Variants in ZGRF1 observed in about 807,000 individuals in gnomAD.
ZGRF1 encodes zinc finger GRF-type containing 1, also known as 5'-3' DNA helicase ZGRF1.
ZGRF1 carries 196 observed loss-of-function variants against 203.5 expected under a neutral mutation model. The observed-to-expected ratio is 0.96, with a 90% CI of 0.86 to 1.08. The LOEUF (loss-of-function observed/expected upper bound fraction) is 1.08. ZGRF1 is among the 50% of genes least tolerant of loss of function. The pLI, the probability that ZGRF1 is intolerant of heterozygous loss-of-function variation, is 0.00. For missense variants in ZGRF1, 2,326 were observed against 2,416.3 expected, an observed-to-expected ratio of 0.96 and a Z score of 0.78; for synonymous variants, 809 against 841.3, an observed-to-expected ratio of 0.96 and a Z score of 0.66.
chr4:112,586,610 T>A, intron 12 of ZGRF1, 27 bp from the exon 13 acceptor site: 2 of 1,550,410 alleles, frequency 1.3e-6, no homozygotes, highest in Non-Finnish European at 8.7e-7. Flanking sequence ...CAAGTTATCA[T>A]AGCAACTCCA....
chr4:112,630,790 T>C (rs1367496178), intron 3 of ZGRF1, among the ~76,000 whole-genome samples: 1 of 150,106 alleles, frequency 6.7e-6, no homozygotes, highest in Non-Finnish European at 1.5e-5. Context: ...CTTGGGGGGC[T>C]GAGGCAGAAC....
chr4:112,604,043 T>C (rs1750387401), intron 9 of ZGRF1, among the ~76,000 whole-genome samples: 1 of 152,060 alleles, frequency 6.6e-6, no homozygotes, highest in East Asian at 1.9e-4. Context: ...ACCAACATGG[T>C]GAAACCCCAT....
intron 16 of ZGRF1, among the ~76,000 whole-genome samples, chr4:112,574,745 A>G (rs986450350): frequency 5.9e-5 from 9 of 152,184 alleles, no homozygotes; most frequent in African/African-American, 1.9e-4. Flanking sequence ...AAAACACTCA[A>G]TGCTGGCCGG....
chr4:112,570,397 T>G (rs1190243280), intron 16 of ZGRF1, among the ~76,000 whole-genome samples: 1 of 152,172 alleles, frequency 6.6e-6, no homozygotes, highest in Non-Finnish European at 1.5e-5. Context: ...GAGACCAGCC[T>G]GGCCAACATG....
intron 10 of ZGRF1, among the ~76,000 whole-genome samples, chr4:112,603,276 C>T (rs564746563): frequency 2.0e-5 from 3 of 152,088 alleles, no homozygotes; most frequent in Non-Finnish European, 4.4e-5. Context: ...TACCTGTTTG[C>T]TTTTGTCATG....
rs1458095448 is a variant in ZGRF1, at chr4:112,560,993, G to A, written c.4700C>T (p.Ser1567Phe). 2 of 1,601,726 alleles carry A rather than the reference G, an allele frequency of 1.2e-6. No individual in the cohort carries two copies. Among genetic ancestry groups the A allele is most frequent in the Non-Finnish European group, 1.7e-6 (2 of 1,170,816 alleles). ...LPLTQYLLTT[S>F]SPTIVSNKRV... is the part of the protein sequence containing the mutation. The stretch of plus-strand genomic sequence containing the variant: ...TTTGTTACTAACTATAGTTGGCGAA[G>A]ACCTAATAAAAATGAAGCAAATAAA... Residue 1567 changes from serine (S) to phenylalanine (F), a missense_variant and splice_region_variant, in exon 19 of 28, where the codon TCT becomes TTT. Coordinates refer to ENST00000505019, the MANE Select transcript of ZGRF1 (RefSeq NM_018392.5).
chr4:112,553,198 T>C (rs956740323), intron 22 of ZGRF1, among the ~76,000 whole-genome samples: 9 of 152,212 alleles, frequency 5.9e-5, no homozygotes, highest in Admixed American at 5.9e-4. Context: ...TCCCCATTGC[T>C]TTTCCCCATG....
In ZGRF1 at chr4:112,578,594, C is replaced by A. The variant is rs1244245822; in HGVS notation, c.4438+3069G>T. ...ATAAAAAATGATAAAGGGGATATCA[C>A]CACCGATCCACAGAAATACAAACTA... On this transcript the variant is annotated intron_variant, in intron 16 of 27. Coordinates refer to ENST00000505019, the MANE Select transcript of ZGRF1 (RefSeq NM_018392.5). Among the ~76,000 whole-genome samples the A allele has an allele frequency of 3.3e-5, 4 of 122,634 alleles. 2 individuals are homozygous for A. In the East Asian group the frequency reaches 9.6e-4, roughly 29 times the overall value. The allele number at this position is 122,634 out of a possible 152,430, so 80.5% of individuals were successfully genotyped here. A position where few individuals can be genotyped will look rare whatever the true frequency, so the allele number is the denominator to read the frequency against.
At chr4:112,621,223 A>C (rs1232604563) in intron 4 of ZGRF1, among the ~76,000 whole-genome samples, 1 of 152,240 alleles carries the variant, frequency 6.6e-6, no homozygotes, top group Non-Finnish European at 1.5e-5. Context: ...CTTTAAATGA[A>C]TAAGATACTC....
rs760814356 is a variant in ZGRF1, at chr4:112,587,279, C to A, written c.3777+1G>T. ...ACCACAAGACCGGTACATTTCCTCA[C>A]CTGTAAATCCTTTACACTGTAGTTG... On this transcript the variant is annotated splice_donor_variant, in intron 12 of 27. Coordinates refer to ENST00000505019, the MANE Select transcript of ZGRF1 (RefSeq NM_018392.5). LOFTEE classifies it high-confidence loss of function. The A allele has an allele frequency of 8.4e-5, 135 of 1,598,106 alleles. No individual in the cohort carries two copies. Among genetic ancestry groups the A allele is most frequent in the Non-Finnish European group, 1.1e-4 (132 of 1,172,782 alleles).
chr4:112,590,472 A>C (rs1250149344), intron 10 of ZGRF1, among the ~76,000 whole-genome samples: 1 of 152,202 alleles, frequency 6.6e-6, no homozygotes, highest in Non-Finnish European at 1.5e-5. Context: ...ATAAGCACAG[A>C]ATAAAAGAAT....
chr4:112,552,416 T>C (rs540007085), intron 22 of ZGRF1, among the ~76,000 whole-genome samples: 13 of 152,284 alleles, frequency 8.5e-5, no homozygotes, highest in Admixed American at 6.5e-5. Flanking sequence ...AAATGAGCAA[T>C]AGATCATAGT....
At chr4:112,588,336 CCTAGA>C (rs1747585294) in intron 11 of ZGRF1, among the ~76,000 whole-genome samples, 1 of 152,060 alleles carries the variant, frequency 6.6e-6, no homozygotes, top group South Asian at 2.1e-4. Flanking sequence ...AGGATAAGAA[CCTAGA>C]CTAGTTTTTT....
chr4:112,548,327 A>C lies in ZGRF1; in HGVS notation c.5400T>G (p.Asp1800Glu), dbSNP rs1449021416. Reference sequence around the variant, plus strand: ...CCAGCACAACTACAGGAAATTTAAGATCATTCATGCATGGGAATGGGCAGG... The same window carrying C: ...CCAGCACAACTACAGGAAATTTAAGCTCATTCATGCATGGGAATGGGCAGG... ...CAACPFPCMN[D>E]LKFPVVVLDE... Residue 1800 changes from aspartate (D) to glutamate (E), a missense_variant, in exon 23 of 28, where the codon GAT becomes GAG. By Grantham distance (45) the Asp-to-Glu change is conservative (BLOSUM62 2). Transcript: ENST00000505019. The C allele has an allele frequency of 1.9e-6, 3 of 1,554,382 alleles. No homozygotes were observed. In the South Asian group the frequency reaches 3.6e-5, roughly 18 times the overall value.
rs773038308 is a variant in ZGRF1, at chr4:112,603,568, T to G, written c.2932A>C (p.Thr978Pro). Residue 978 changes from threonine (T) to proline (P), a missense_variant, in exon 10 of 28, where the codon ACA (threonine) becomes CCA (proline). Thr to Pro is a conservative substitution (Grantham distance 38). Coordinates refer to ENST00000505019, the MANE Select transcript of ZGRF1 (RefSeq NM_018392.5). ...STEYENFMTE[T>P]PELPSTCMQI... ...ATACACGTGCTAGGTAACTCTGGTG[T>G]CTCTGTCATAAAGTTTTCATACTCA... The G allele has an allele frequency of 1.9e-6, 3 of 1,613,860 alleles. No homozygotes were observed. In the South Asian group the frequency reaches 3.3e-5, roughly 18 times the overall value.
At chr4:112,581,968 T>G (rs923933070) in intron 15 of ZGRF1, among the ~76,000 whole-genome samples, 166 bp from the exon 16 acceptor site, 1 of 152,186 alleles carries the variant, frequency 6.6e-6, no homozygotes, top group South Asian at 2.1e-4. Context: ...AAATAACAAC[T>G]GTCACAGAAC....
chr4:112,590,014 T>C, intron 10 of ZGRF1, 140 bp from the exon 11 acceptor site: 2 of 524,710 alleles, frequency 3.8e-6, no homozygotes, highest in Non-Finnish European at 6.5e-6. Context: ...GCAACAACTA[T>C]AAAACTTCTT....
chr4:112,554,326 G>GT (rs1231583105), intron 21 of ZGRF1, among the ~76,000 whole-genome samples: 1 of 151,400 alleles, frequency 6.6e-6, no homozygotes, highest in Non-Finnish European at 1.5e-5. Context: ...CCTTTCGACA[G>GT]TTTGCTGATC....
intron 3 of ZGRF1, among the ~76,000 whole-genome samples, chr4:112,630,758 G>T (rs76288321): frequency 0.051 from 7,695 of 152,010 alleles, 475 homozygotes; most frequent in African/African-American, 0.15. Context: ...GGGCGTGGTG[G>T]TGGCACCTGT....
Sources: gnomAD v4.1 joint callset for allele counts (sites outside exome capture counted in the v4.1 genomes callset) on GRCh38, gnomAD v4.1.1 for gene constraint, MANE v1.5 for transcripts, NCBI Gene and HGNC (gene_info 2026-07-23, HGNC 2026-07-21) for gene names.